The following SLC36A4 variants were observed in gnomAD, a reference collection of about 807,000 sequenced individuals.
SLC36A4 encodes the protein solute carrier family 36 member 4.
In SLC36A4, 49 loss-of-function variants were observed where a neutral mutation model predicts 50.5. The observed-to-expected ratio is 0.97, with a 90% CI of 0.77 to 1.23. SLC36A4 has a LOEUF of 1.23. Ranked by LOEUF, SLC36A4 falls within the 50% of genes most tolerant of loss-of-function variation. The pLI is 0.00. For synonymous variants in SLC36A4, 207 were observed against 206.5 expected (o/e 1.00, Z -0.02); for missense variants, 611 against 608.4 (o/e 1.00, Z -0.05).
chr11:93,148,732 A>C lies in SLC36A4; in HGVS notation c.1320T>G (p.Phe440Leu). 2 of 1,612,976 alleles carry C rather than the reference A, an allele frequency of 1.2e-6. No homozygotes were observed. Among genetic ancestry groups the C allele is most frequent in the Non-Finnish European group, 1.7e-6 (2 of 1,179,358 alleles). The change falls in exon 11 of 11, where the codon TTT (phenylalanine) becomes TTG (leucine). Residue 440 changes from phenylalanine (F) to leucine (L), a missense_variant. Coordinates refer to ENST00000326402, the MANE Select transcript of SLC36A4 (RefSeq NM_152313.4). ...TCCATATATTATAATGTTCCTTCGA[A>C]AATGTAAGAATTTCAACCAAAGGTG... ...ILPPLVEILTFSKEHYNIWMV... is the reference protein window; with the variant it reads ...ILPPLVEILTLSKEHYNIWMV...
In SLC36A4 at chr11:93,162,857, G is replaced by T; in HGVS notation, c.886C>A (p.Gln296Lys). ...GIGVVLPLEN[Q>K]MKESKRFPQA... ...GGGAAACGCTTTGATTCTTTCATTT[G>T]GTTTTCCAGTGGAAGGACCTAAGAA... is the stretch of plus-strand genomic sequence containing the variant. The change falls in exon 9 of 11, where the codon CAA becomes AAA. Residue 296 changes from glutamine to lysine, a missense_variant. Coordinates refer to ENST00000326402, the MANE Select transcript of SLC36A4 (RefSeq NM_152313.4). 6 of 1,611,952 alleles carry T rather than the reference G, an allele frequency of 3.7e-6. No individual in the cohort carries two copies. Among genetic ancestry groups the T allele is most frequent in the Non-Finnish European group, 5.1e-6 (6 of 1,179,436 alleles).
chr11:93,167,342 A>G (rs1860919936), intron 7 of SLC36A4: 1 of 152,134 alleles, frequency 6.6e-6, no homozygotes, highest in African/African-American at 2.4e-5. Context: ...ACAGCAAAAC[A>G]CATACATACA....
At chr11:93,159,209 T>G (rs1283169775) in intron 9 of SLC36A4, among the ~76,000 whole-genome samples, 3 of 152,252 alleles carry the variant, frequency 2.0e-5, no homozygotes, top group Admixed American at 6.5e-5. Context: ...AGGACAGAAA[T>G]GTATTTTTAA....
intron 5 of SLC36A4, 146 bp from the exon 6 acceptor site, chr11:93,181,027 C>A: frequency 7.8e-4 from 441 of 562,854 alleles, no homozygotes; most frequent in Middle Eastern, 2.6e-3. Context: ...CAGTTCATGC[C>A]AAATCTAACT....
At chr11:93,184,550 AT>A in intron 2 of SLC36A4, 30 bp from the exon 3 acceptor site, 1 of 1,273,686 alleles carries the variant, frequency 7.9e-7, no homozygotes, top group Non-Finnish European at 1.1e-6. Context: ...AGACTTAAAT[AT>A]TTTAGAACAA....
rs191722668 is a variant in SLC36A4, at chr11:93,197,389, C to G, written c.55+389G>C. 286 of 250,100 alleles carry G rather than the reference C, an allele frequency of 1.1e-3. 1 individual carries two copies. The highest frequency in any genetic ancestry group is 6.3e-3 in the African/African-American group (275 of 43,916). 15.5% of individuals were successfully genotyped at this position (250,100 alleles called of 1,614,324 possible). ...AAAATGAGGATTCATCTGGAGATTCCGAATGGGGCTGCAGCATTTGAAAAG... is the reference window on the plus strand; with the variant it reads ...AAAATGAGGATTCATCTGGAGATTCGGAATGGGGCTGCAGCATTTGAAAAG... On this transcript the variant is annotated intron_variant, in intron 1 of 10. Transcript: ENST00000326402.
intron 1 of SLC36A4, among the ~76,000 whole-genome samples, chr11:93,188,681 C>T (rs974047340): frequency 1.3e-5 from 2 of 152,130 alleles, no homozygotes; most frequent in South Asian, 2.1e-4. Flanking sequence ...CTCACATTTA[C>T]TCTAGAAATT....
intron 1 of SLC36A4, 75 bp downstream of exon 1, chr11:93,197,703 G>A (rs548958815): frequency 6.8e-7 from 1 of 1,481,394 alleles, no homozygotes; most frequent in Non-Finnish European, 9.1e-7. Flanking sequence ...GCCCCTGGAG[G>A]TGTGGGCGCA....
At chr11:93,192,104 A>G (rs952032979) in intron 1 of SLC36A4, among the ~76,000 whole-genome samples, 1 of 152,210 alleles carries the variant, frequency 6.6e-6, no homozygotes. Flanking sequence ...CAATAAGATA[A>G]TAAGTAAAAC....
At chr11:93,196,203 T>C (rs1207118310) in intron 1 of SLC36A4, among the ~76,000 whole-genome samples, 4 of 152,354 alleles carry the variant, frequency 2.6e-5, no homozygotes, top group Admixed American at 2.0e-4. Flanking sequence ...CTTTTAATGG[T>C]AGGCAATGTA....
intron 6 of SLC36A4, among the ~76,000 whole-genome samples, chr11:93,172,677 T>A (rs906485326): frequency 7.1e-6 from 1 of 141,826 alleles, no homozygotes; most frequent in Non-Finnish European, 1.5e-5. Flanking sequence ...TTCCCACCTA[T>A]GAGTGAGAAT....
chr11:93,166,933 A>G (rs1860895307), intron 7 of SLC36A4: 1 of 152,186 alleles, frequency 6.6e-6, no homozygotes, highest in Non-Finnish European at 1.5e-5. Flanking sequence ...GGCTCATTCA[A>G]TGCTAAACTA....
chr11:93,171,753 T>C (rs1236635144), intron 6 of SLC36A4: 1 of 152,096 alleles, frequency 6.6e-6, no homozygotes, highest in African/African-American at 2.4e-5. Flanking sequence ...GTATGTCTTA[T>C]CAGTTCTTGT....
At chr11:93,193,109 G>C in intron 1 of SLC36A4, 1 of 750,744 alleles carries the variant, frequency 1.3e-6, no homozygotes, top group Non-Finnish European at 1.6e-6. Flanking sequence ...ATTTTTAAAT[G>C]CCAATCTTTG....
intron 6 of SLC36A4, among the ~76,000 whole-genome samples, chr11:93,174,984 C>T (rs1483412372): frequency 2.6e-5 from 4 of 151,474 alleles, no homozygotes; most frequent in Non-Finnish European, 5.9e-5. Context: ...GGAGGATTCC[C>T]TCTTTTTCTA....
At chr11:93,167,461 C>T (rs1212473365) in intron 7 of SLC36A4, 3 of 152,148 alleles carry the variant, frequency 2.0e-5, no homozygotes, top group Non-Finnish European at 4.4e-5. Flanking sequence ...AGACTATGGA[C>T]AATGAAATCA....
At chr11:93,168,202 G>C (rs376121213) in intron 6 of SLC36A4, 31 bp from the exon 7 acceptor site, 3 of 1,411,334 alleles carry the variant, frequency 2.1e-6, no homozygotes, top group Non-Finnish European at 2.9e-6. Flanking sequence ...AATAAAGAAG[G>C]GGGAAAAACT....
At position 93,148,830 on chromosome 11, in the gene SLC36A4, G is replaced by C. The variant is rs760902130; in HGVS notation, c.1222C>G (p.Leu408Val). Residue 408 changes from leucine to valine, a missense_variant, in exon 11 of 11, where the codon CTT becomes GTT. Transcript: ENST00000326402. ...LVSITCAGAI[L>V]IPRLDIVISF... is the part of the protein sequence containing the mutation. ...ATCACAATGTCTAAACGAGGAATAAGAATTGCTCCGGCACCTAGAAAATGA... is the reference window on the plus strand; with the variant it reads ...ATCACAATGTCTAAACGAGGAATAACAATTGCTCCGGCACCTAGAAAATGA... The C allele has an allele frequency of 1.2e-6, 2 of 1,608,274 alleles. No individual in the cohort carries two copies. Among genetic ancestry groups the C allele is most frequent in the Non-Finnish European group, 1.7e-6 (2 of 1,178,208 alleles).
rs972807495 is a variant in SLC36A4, at chr11:93,151,363, C to T, written c.1208-2519G>A. ...CAAGAAAAAGAATGTATCCTTAGAG[C>T]ATAAAGTTCCCTCTGATATTAAAAT... is the stretch of plus-strand genomic sequence containing the variant. On this transcript the variant is annotated intron_variant, in intron 10 of 10. Transcript: ENST00000326402. Among the ~76,000 whole-genome samples the T allele has an allele frequency of 3.3e-5, 5 of 152,022 alleles. 1 individual carries two copies. Among genetic ancestry groups the T allele is most frequent in the Admixed American group, 3.3e-4 (5 of 15,224 alleles).
Sources: allele counts gnomAD v4.1 joint callset (sites outside exome capture counted in the v4.1 genomes callset), GRCh38; gene constraint gnomAD v4.1.1; transcripts MANE v1.5; gene names NCBI Gene and HGNC (gene_info 2026-07-23, HGNC 2026-07-21).